The following TMEM117 variants were observed in gnomAD, a reference collection of about 807,000 sequenced individuals.
The protein encoded by TMEM117 is transmembrane protein 117.
TMEM117 carries 27 observed loss-of-function variants against 52.4 expected under a neutral mutation model. The ratio of observed to expected loss-of-function variants is 0.51; its 90% CI spans 0.38 to 0.71. TMEM117 has a LOEUF of 0.71. Among genes scored for constraint, TMEM117 ranks in the 30% least tolerant of loss-of-function variants. TMEM117 has a pLI of 0.00. For missense variants in TMEM117, 556 were observed against 630.5 expected, an observed-to-expected ratio of 0.88 and a Z score of 1.26; for synonymous variants, 215 against 206.3, an observed-to-expected ratio of 1.04 and a Z score of -0.36.
At chr12:44,311,815 A>ATATATG (rs1950986526) in intron 6 of TMEM117, among the ~76,000 whole-genome samples, 5 of 94,760 alleles carry the variant, frequency 5.3e-5, no homozygotes, top group African/African-American at 1.6e-4. Flanking sequence ...GTATATATGT[A>ATATATG]TATATATGTA....
chr12:44,295,305 G>T (rs1345549807), intron 5 of TMEM117, among the ~76,000 whole-genome samples: 2 of 152,168 alleles, frequency 1.3e-5, no homozygotes. Context: ...CTGGGCTCAA[G>T]TGATTCTCCT....
chr12:43,969,843 C>T (rs1015352192), intron 3 of TMEM117, among the ~76,000 whole-genome samples: 1 of 152,144 alleles, frequency 6.6e-6, no homozygotes, highest in African/African-American at 2.4e-5. Context: ...TTCCTGCCTC[C>T]TGGAAATACT....
intron 5 of TMEM117, among the ~76,000 whole-genome samples, chr12:44,250,392 A>T (rs148083853): frequency 0.017 from 2,645 of 152,286 alleles, 63 homozygotes; most frequent in East Asian, 0.057. Context: ...TGCTGATGGG[A>T]ATGTAAATTA....
At chr12:44,231,903 T>C (rs770062360) in intron 5 of TMEM117, among the ~76,000 whole-genome samples, 9 of 151,710 alleles carry the variant, frequency 5.9e-5, no homozygotes, top group Non-Finnish European at 8.9e-5. Context: ...GGTTAAAGCA[T>C]AAACTTTGAT....
chr12:43,919,383 A>T (rs145267198), intron 2 of TMEM117, among the ~76,000 whole-genome samples: 2 of 152,324 alleles, frequency 1.3e-5, no homozygotes, highest in East Asian at 3.9e-4. Context: ...AAGTGGAATC[A>T]TGCTGTCTTT....
At chr12:44,299,532 C>A in intron 5 of TMEM117, 48 bp from the exon 6 acceptor site, 3 of 1,601,938 alleles carry the variant, frequency 1.9e-6, no homozygotes, top group Non-Finnish European at 2.6e-6. Flanking sequence ...TCTCTAGTAT[C>A]TATATTTTAT....
downstream of TMEM117, among the ~76,000 whole-genome samples, chr12:44,390,199 GACACACACACAC>G (rs58917894): frequency 2.1e-5 from 3 of 143,592 alleles, no homozygotes; most frequent in Non-Finnish European, 4.6e-5. Context: ...AAACATATCT[GACACACACACAC>G]ACACACACAC....
chr12:44,254,779 G>A (rs1033752760), intron 5 of TMEM117, among the ~76,000 whole-genome samples: 30 of 151,784 alleles, frequency 2.0e-4, no homozygotes, highest in Non-Finnish European at 7.4e-5. Context: ...TTTAGCATTA[G>A]GTATATCTCC....
intron 3 of TMEM117, among the ~76,000 whole-genome samples, chr12:44,053,847 C>G (rs73089758): frequency 0.058 from 8,869 of 152,132 alleles, 389 homozygotes; most frequent in African/African-American, 0.12. Context: ...GGGCCTTAGT[C>G]AAAAGTGAGA....
intron 5 of TMEM117, among the ~76,000 whole-genome samples, chr12:44,223,965 T>G (rs1949825106): frequency 6.6e-6 from 1 of 152,206 alleles, no homozygotes; most frequent in South Asian, 2.1e-4. Context: ...GCTGTCAATC[T>G]ACTGCGCTTC....
In TMEM117 at chr12:43,920,549, C is replaced by CT. The variant is rs60359835; in HGVS notation, c.278-23640dup. ...TCATACCAGTTCAAACCTAGAGGGC[C>CT]TTTTTTTTTTTTTTTTTTTTTGACA... On this transcript the variant is annotated intron_variant, in intron 2 of 7. Transcript: ENST00000266534. Among the ~76,000 whole-genome samples the CT allele has an allele frequency of 3.6e-3, 313 of 86,008 alleles. 2 individuals carry two copies. Among genetic ancestry groups the CT allele is most frequent in the African/African-American group, 7.2e-3 (201 of 27,870 alleles). 56.4% of individuals were successfully genotyped at this position (86,008 alleles called of 152,430 possible). A position where few individuals can be genotyped will look rare whatever the true frequency, so the allele number is the denominator to read the frequency against.
At chr12:43,838,505 A>G (rs1181695496) in intron 1 of TMEM117, among the ~76,000 whole-genome samples, 2 of 147,814 alleles carry the variant, frequency 1.4e-5, no homozygotes, top group Non-Finnish European at 3.0e-5. Flanking sequence ...TGTATTATCC[A>G]GACTCTACTC....
chr12:44,293,901 T>A (rs986968633), intron 5 of TMEM117, among the ~76,000 whole-genome samples: 1 of 152,138 alleles, frequency 6.6e-6, no homozygotes, highest in Admixed American at 6.5e-5. Context: ...ATCTTATACA[T>A]TCAGATATTT....
chr12:44,299,660 G>T lies in TMEM117; in HGVS notation c.689G>T (p.Gly230Val). The T allele has an allele frequency of 1.9e-6, 3 of 1,614,186 alleles. 1 individual carries two copies. The highest frequency in any genetic ancestry group is 2.2e-5 in the South Asian group (2 of 91,088). Residue 230 changes from glycine to valine, a missense_variant, in exon 6 of 8, where the codon GGA becomes GTA. Gly to Val is a moderately radical substitution (Grantham distance 109). Coordinates refer to ENST00000266534, the MANE Select transcript of TMEM117 (RefSeq NM_032256.3). ...ATCAGCTGGGACAAGCTGAATCGGG[G>T]ATTTTTGCCCAGTGATGAAGTTTCC... ...DWISWDKLNRGFLPSDEVSRA... is the reference protein window; with the variant it reads ...DWISWDKLNRVFLPSDEVSRA...
chr12:43,947,139 G>A (rs771252599), intron 3 of TMEM117, among the ~76,000 whole-genome samples: 1 of 152,184 alleles, frequency 6.6e-6, no homozygotes, highest in Non-Finnish European at 1.5e-5. Context: ...TTTGAGACCA[G>A]TCTGGGCAAC....
At chr12:44,239,641 A>G (rs915928581) in intron 5 of TMEM117, among the ~76,000 whole-genome samples, 1 of 152,120 alleles carries the variant, frequency 6.6e-6, no homozygotes, top group Non-Finnish European at 1.5e-5. Flanking sequence ...TTTCAGAAGT[A>G]TACAATGGAA....
chr12:44,211,408 T>C, intron 5 of TMEM117, 21 bp downstream of exon 5: 1 of 1,544,960 alleles, frequency 6.5e-7, no homozygotes, highest in Non-Finnish European at 8.9e-7. Flanking sequence ...GTTTCACTTA[T>C]TTATTTCTGC....
chr12:44,138,594 G>T (rs747662148), intron 3 of TMEM117, among the ~76,000 whole-genome samples: 1 of 152,170 alleles, frequency 6.6e-6, no homozygotes, highest in Non-Finnish European at 1.5e-5. Context: ...AATGGCTAAA[G>T]TTAGGAAATT....
chr12:44,138,820 C>T (rs1200689292), intron 3 of TMEM117, among the ~76,000 whole-genome samples: 2 of 152,082 alleles, frequency 1.3e-5, no homozygotes, highest in African/African-American at 4.8e-5. Context: ...AGCAAATATA[C>T]TAAAATGTGG....
Sources: gnomAD v4.1 joint callset for allele counts (sites outside exome capture counted in the v4.1 genomes callset) on GRCh38, gnomAD v4.1.1 for gene constraint, MANE v1.5 for transcripts, NCBI Gene and HGNC (gene_info 2026-07-23, HGNC 2026-07-21) for gene names.